EXOC4: variants seen among roughly 807,000 people sequenced by gnomAD.
EXOC4 encodes the protein exocyst complex component 4.
Under a neutral mutation model 107.2 loss-of-function variants are expected in EXOC4, and 71 were observed. The observed-to-expected ratio is 0.66, with a 90% CI of 0.55 to 0.81. The LOEUF is 0.81. Ranked by LOEUF, EXOC4 falls within the 30% of genes least tolerant of loss-of-function variation. The pLI is 0.00. For missense variants in EXOC4, 1,108 were observed against 1,189.6 expected (o/e 0.93, Z 1.01); for synonymous variants, 456 against 441.2 (o/e 1.03, Z -0.42).
At chr7:133,574,426 A>T (rs995693308) in intron 9 of EXOC4, among the ~76,000 whole-genome samples, 2 of 152,210 alleles carry the variant, frequency 1.3e-5, no homozygotes, top group African/African-American at 4.8e-5. Context: ...TTGAGGGTAG[A>T]CATTTTCTCT....
intron 17 of EXOC4, among the ~76,000 whole-genome samples, chr7:134,060,123 T>C (rs1427228053): frequency 1.3e-5 from 2 of 152,148 alleles, no homozygotes; most frequent in Non-Finnish European, 2.9e-5. Flanking sequence ...ATAAACATTG[T>C]TATGTTCTAG....
At chr7:133,803,750 A>G (rs1000123967) in intron 10 of EXOC4, among the ~76,000 whole-genome samples, 3 of 152,180 alleles carry the variant, frequency 2.0e-5, no homozygotes, top group Admixed American at 6.5e-5. Context: ...TGTGAGCAGA[A>G]TTTTTAACTC....
intron 9 of EXOC4, among the ~76,000 whole-genome samples, chr7:133,528,332 G>A (rs965771383): frequency 6.6e-6 from 1 of 152,074 alleles, no homozygotes; most frequent in Admixed American, 6.6e-5. Flanking sequence ...GGAAATATGG[G>A]GGTCAATGAG....
the EXOC4 span, among the ~76,000 whole-genome samples, chr7:134,080,148 C>T: frequency 0.15 from 22,545 of 152,196 alleles, 2,030 homozygotes; most frequent in African/African-American, 0.24. Context: ...GCCACAAAAC[C>T]TACCCTTTCT....
intron 10 of EXOC4, among the ~76,000 whole-genome samples, chr7:133,712,177 C>T (rs552207439): frequency 3.9e-5 from 6 of 152,206 alleles, no homozygotes; most frequent in African/African-American, 9.6e-5. Context: ...CAGTGGCTCA[C>T]GCCTGTAATC....
chr7:133,414,275 T>G (rs902729850), intron 7 of EXOC4, among the ~76,000 whole-genome samples: 1 of 152,188 alleles, frequency 6.6e-6, no homozygotes, highest in African/African-American at 2.4e-5. Context: ...GAGATTCCAT[T>G]TTACACCTAT....
chr7:133,605,532 A>T (rs1322565505), intron 9 of EXOC4, among the ~76,000 whole-genome samples: 1 of 152,154 alleles, frequency 6.6e-6, no homozygotes, highest in Non-Finnish European at 1.5e-5. Flanking sequence ...TCCGCCACTT[A>T]GCATAATGTT....
intron 12 of EXOC4, among the ~76,000 whole-genome samples, chr7:133,898,285 A>C (rs923954072): frequency 2.6e-5 from 4 of 152,110 alleles, no homozygotes; most frequent in African/African-American, 9.7e-5. Context: ...ATTATTTTAA[A>C]GGATACACCA....
Position 133,317,308 on chromosome 7 carries a change from TC to T in EXOC4, c.683del (p.Pro228LeufsTer2). 3 of 1,613,532 alleles carry T rather than the reference TC, an allele frequency of 1.9e-6. No homozygotes were observed. Among genetic ancestry groups the T allele is most frequent in the Non-Finnish European group, 8.5e-7 (1 of 1,179,472 alleles). ...GCTCCCTCGTGAAAGATGCTTCTGT[TC>T]CTCTGATTGATGTTACAAACCTCCC... ...ISSLVKDASV[P>X]LIDVTNLPTP... is the part of the protein sequence containing the mutation. On this transcript the variant is annotated frameshift_variant, in exon 5 of 18. Transcript: ENST00000253861. LOFTEE classifies it high-confidence loss of function.
downstream of EXOC4, among the ~76,000 whole-genome samples, chr7:134,067,634 TATATACAC>T (rs1425683815): frequency 4.6e-4 from 62 of 133,824 alleles, 1 homozygote; most frequent in East Asian, 6.9e-3. Context: ...CTTATATATA[TATATACAC>T]ACACACACAC....
intron 7 of EXOC4, among the ~76,000 whole-genome samples, chr7:133,461,318 A>G (rs940356733): frequency 6.6e-6 from 1 of 152,172 alleles, no homozygotes; most frequent in Non-Finnish European, 1.5e-5. Context: ...GGTCTTTACA[A>G]TGTTCCCCTT....
intron 9 of EXOC4, among the ~76,000 whole-genome samples, chr7:133,520,720 C>T (rs537109481): frequency 1.9e-4 from 29 of 152,238 alleles, no homozygotes; most frequent in Middle Eastern, 3.4e-3. Context: ...GTTGCTGAAG[C>T]CCTACCTTCA....
At chr7:133,885,494 A>G (rs575661464) in intron 11 of EXOC4, among the ~76,000 whole-genome samples, 1 of 152,216 alleles carries the variant, frequency 6.6e-6, no homozygotes, top group Non-Finnish European at 1.5e-5. Context: ...TATGCCAGAT[A>G]CCTTGCAAGG....
chr7:133,607,754 A>G (rs1801982173), intron 9 of EXOC4, among the ~76,000 whole-genome samples: 1 of 152,250 alleles, frequency 6.6e-6, no homozygotes, highest in East Asian at 1.9e-4. Flanking sequence ...TAAAAGTAGA[A>G]GTGCGGGTTA....
Position 134,032,438 on chromosome 7 carries a change from T to C in EXOC4, c.2687+24603T>C, listed in dbSNP as rs369381722. Among the ~76,000 whole-genome samples, 39 of 152,292 alleles carry C rather than the reference T, an allele frequency of 2.6e-4. No individual in the cohort carries two copies. In the East Asian group the frequency reaches 3.1e-3, roughly 12 times the overall value. On this transcript the variant is annotated intron_variant, in intron 17 of 17. Coordinates refer to ENST00000253861, the MANE Select transcript of EXOC4 (RefSeq NM_021807.4). ...ATCTTCCTGCTGCTAATGGGACTGA[T>C]TGGCACCTCTCCACACCACATCAAG...
At chr7:133,508,823 A>G (rs796925325) in intron 9 of EXOC4, among the ~76,000 whole-genome samples, 7 of 152,304 alleles carry the variant, frequency 4.6e-5, no homozygotes, top group African/African-American at 1.7e-4. Context: ...TGAATTGAAA[A>G]TGATTAGTCA....
the EXOC4 span, among the ~76,000 whole-genome samples, chr7:134,082,797 G>A: frequency 0.56 from 85,297 of 152,002 alleles, 24,476 homozygotes; most frequent in East Asian, 0.73. Context: ...CTGACCTCCT[G>A]TCTCATCCTG....
intron 5 of EXOC4, among the ~76,000 whole-genome samples, chr7:133,326,775 C>T (rs1458186699): frequency 6.6e-6 from 1 of 152,220 alleles, no homozygotes; most frequent in Non-Finnish European, 1.5e-5. Context: ...GTTTCTGCTG[C>T]CTTTCGTTCG....
chr7:133,646,219 T>G (rs563966423), intron 10 of EXOC4, among the ~76,000 whole-genome samples: 73 of 152,326 alleles, frequency 4.8e-4, no homozygotes, highest in Middle Eastern at 3.4e-3. Context: ...TATTTTTTCT[T>G]CTTTCCAGAA....
Sources: gnomAD v4.1 joint callset for allele counts (sites outside exome capture counted in the v4.1 genomes callset) on GRCh38, gnomAD v4.1.1 for gene constraint, MANE v1.5 for transcripts, NCBI Gene and HGNC (gene_info 2026-07-23, HGNC 2026-07-21) for gene names.